Variants in FOXP2 observed in about 807,000 individuals in gnomAD.
FOXP2 encodes forkhead box P2.
In FOXP2, 12 loss-of-function variants were observed where a neutral mutation model predicts 115.8. That is an observed-to-expected ratio of 0.10 (90% confidence interval 0.07 to 0.17). The LOEUF is 0.17. Ranked by LOEUF, FOXP2 falls within the 10% of genes least tolerant of loss-of-function variation. The pLI is 1.00. For missense variants in FOXP2, 629 were observed against 843.5 expected (o/e 0.75, Z 3.15); for synonymous variants, 328 against 297.7 (o/e 1.10, Z -1.05).
Position 114,452,864 on chromosome 7 carries a change from A to G in FOXP2, c.168+26185A>G, listed in dbSNP as rs79318428. Among the ~76,000 whole-genome samples, 1,120 of 152,128 alleles carry G rather than the reference A, an allele frequency of 7.4e-3. 11 individuals carry two copies. Among genetic ancestry groups the G allele is most frequent in the African/African-American group, 0.025 (1,056 of 41,536 alleles). ...TGATAGCTGTCATGTTAGTTTTCAG[A>G]TGATCTTTTTGTAATGACTTAAGTA... is the stretch of plus-strand genomic sequence containing the variant. On this transcript the variant is annotated intron_variant, in intron 2 of 16. Transcript: ENST00000350908.
intron 1 of FOXP2, among the ~76,000 whole-genome samples, chr7:114,109,174 A>G (rs559136451): frequency 4.0e-5 from 6 of 151,146 alleles, no homozygotes; most frequent in African/African-American, 1.2e-4. Context: ...AACATGGTCA[A>G]TGTTTTGTTG....
chr7:114,185,279 T>TAG, intron 1 of FOXP2, among the ~76,000 whole-genome samples: 1 of 152,312 alleles, frequency 6.6e-6, no homozygotes, highest in East Asian at 1.9e-4. Context: ...GTTTCAATTA[T>TAG]TGCCAATCTA....
chr7:114,114,274 C>T (rs896732885), intron 1 of FOXP2, among the ~76,000 whole-genome samples: 2 of 150,596 alleles, frequency 1.3e-5, no homozygotes, highest in African/African-American at 4.9e-5. Flanking sequence ...TATACACACA[C>T]ACACATATAT....
At chr7:114,608,639 T>C (rs1449380604) in intron 3 of FOXP2, among the ~76,000 whole-genome samples, 1 of 152,166 alleles carries the variant, frequency 6.6e-6, no homozygotes, top group Non-Finnish European at 1.5e-5. Flanking sequence ...ATATAAAGAC[T>C]TGGATCATTG....
At chr7:114,334,202 G>T in intron 2 of FOXP2, among the ~76,000 whole-genome samples, 1 of 152,030 alleles carries the variant, frequency 6.6e-6, no homozygotes. Flanking sequence ...GATCAACTGT[G>T]TATCATTGAA....
At chr7:114,294,846 A>AAATG (rs2129177192) in intron 2 of FOXP2, among the ~76,000 whole-genome samples, 1 of 132,652 alleles carries the variant, frequency 7.5e-6, no homozygotes, top group East Asian at 2.0e-4. Flanking sequence ...GCCTCAAAAT[A>AAATG]AATAAATAAA....
At chr7:114,283,900 CTG>C (rs1796397113) in intron 1 of FOXP2, among the ~76,000 whole-genome samples, 1 of 152,044 alleles carries the variant, frequency 6.6e-6, no homozygotes, top group Non-Finnish European at 1.5e-5. Flanking sequence ...GAATTGGAGA[CTG>C]TAATGAGCTA....
intron 2 of FOXP2, among the ~76,000 whole-genome samples, chr7:114,381,838 G>A (rs541384660): frequency 1.3e-5 from 2 of 152,136 alleles, no homozygotes; most frequent in South Asian, 2.1e-4. Context: ...GTTGGGTCTC[G>A]GGTCTGAGGG....
Position 114,176,733 on chromosome 7 carries a change from T to TAAATGC in FOXP2, c.-102+13647_-102+13652dup, listed in dbSNP as rs1386207707. ...TACATATGGAAAGCTGCACAAATCA[T>TAAATGC]AAATGCACATCTTGAAGAATTTCAC... On this transcript the variant is annotated intron_variant, in intron 1 of 17. Coordinates refer to the FOXP2 transcript ENST00000634411. Among the ~76,000 whole-genome samples the TAAATGC allele has an allele frequency of 2.7e-5, 4 of 149,678 alleles. No individual in the cohort carries two copies. In the South Asian group the frequency reaches 6.6e-4, roughly 25 times the overall value.
upstream of FOXP2, among the ~76,000 whole-genome samples, chr7:114,160,244 T>C (rs1584514476): frequency 6.6e-6 from 1 of 152,122 alleles, no homozygotes; most frequent in East Asian, 1.9e-4. Flanking sequence ...TGGCTAGCCT[T>C]GGGGGAAAAT....
At chr7:114,315,085 A>G (rs1180691852) in intron 2 of FOXP2, among the ~76,000 whole-genome samples, 7 of 152,166 alleles carry the variant, frequency 4.6e-5, no homozygotes, top group African/African-American at 1.7e-4. Context: ...GTAACACTAA[A>G]CAATGTCAAT....
intron 16 of FOXP2, among the ~76,000 whole-genome samples, chr7:114,688,212 CA>C: frequency 1.5e-5 from 1 of 67,666 alleles, no homozygotes. Context: ...CATGCATACA[CA>C]CACACACACA....
At chr7:114,631,266 C>A (rs1804904756) in intron 5 of FOXP2, among the ~76,000 whole-genome samples, 1 of 152,070 alleles carries the variant, frequency 6.6e-6, no homozygotes, top group African/African-American at 2.4e-5. Flanking sequence ...TTTTAAAAAG[C>A]TGAACCTTTA....
chr7:114,529,572 T>A (rs1799037696), intron 2 of FOXP2, among the ~76,000 whole-genome samples: 1 of 151,836 alleles, frequency 6.6e-6, no homozygotes, highest in Admixed American at 6.6e-5. Context: ...ACAGTGTAAA[T>A]ATATCCACAC....
At chr7:114,458,380 G>A (rs1795411963) in intron 2 of FOXP2, among the ~76,000 whole-genome samples, 1 of 151,324 alleles carries the variant, frequency 6.6e-6, no homozygotes, top group Non-Finnish European at 1.5e-5. Context: ...AAACATCACT[G>A]ATACCAATTT....
intron 6 of FOXP2, among the ~76,000 whole-genome samples, chr7:114,638,040 T>A (rs918658764): frequency 6.6e-6 from 1 of 151,672 alleles, no homozygotes; most frequent in Admixed American, 6.6e-5. Context: ...GAGGACTGAG[T>A]TGGGGTTGAG....
At chr7:114,450,148 A>G (rs2129217966) in intron 2 of FOXP2, among the ~76,000 whole-genome samples, 1 of 152,176 alleles carries the variant, frequency 6.6e-6, no homozygotes, top group Admixed American at 6.5e-5. Flanking sequence ...TTGAAACTCA[A>G]TGCCATTATG....
chr7:114,407,819 A>G (rs1793070993), intron 2 of FOXP2, among the ~76,000 whole-genome samples: 1 of 152,148 alleles, frequency 6.6e-6, no homozygotes, highest in South Asian at 2.1e-4. Context: ...CATGATTGTT[A>G]AGGTCTGGTA....
intron 2 of FOXP2, among the ~76,000 whole-genome samples, chr7:114,437,343 C>T (rs1221477014): frequency 6.6e-6 from 1 of 152,168 alleles, no homozygotes; most frequent in African/African-American, 2.4e-5. Flanking sequence ...ATTTAGGCAG[C>T]AGGTGTTTCC....
Sources: gnomAD v4.1 joint callset for allele counts (sites outside exome capture counted in the v4.1 genomes callset) on GRCh38, gnomAD v4.1.1 for gene constraint, MANE v1.5 for transcripts, NCBI Gene and HGNC (gene_info 2026-07-23, HGNC 2026-07-21) for gene names.